ANO2: variants seen among roughly 807,000 people sequenced by gnomAD.
ANO2 encodes anoctamin 2.
In ANO2, 101 loss-of-function variants were observed where a neutral mutation model predicts 124.2. That is an observed-to-expected ratio of 0.81 (90% CI 0.69 to 0.96). The LOEUF is 0.96. Among genes scored for constraint, ANO2 ranks in the 40% least tolerant of loss-of-function variants. ANO2 has a pLI of 0.00. For synonymous variants in ANO2, 486 were observed against 482.5 expected (o/e 1.01, Z -0.09); for missense variants, 1,293 against 1,274.5 (o/e 1.01, Z -0.22).
intron 23 of ANO2, 131 bp from the exon 24 acceptor site, chr12:5,565,794 G>C: frequency 1.5e-6 from 1 of 663,564 alleles, no homozygotes; most frequent in Non-Finnish European, 2.5e-6. Flanking sequence ...TGAGAAGCAG[G>C]GGGAAGTGGG....
At chr12:5,669,370 T>C (rs1947881278) in intron 14 of ANO2, among the ~76,000 whole-genome samples, 1 of 152,126 alleles carries the variant, frequency 6.6e-6, no homozygotes, top group African/African-American at 2.4e-5. Context: ...GGAATGTTTG[T>C]GACTTTTGCA....
chr12:5,930,707 A>G (rs1267776804), intron 1 of ANO2, among the ~76,000 whole-genome samples: 1 of 152,164 alleles, frequency 6.6e-6, no homozygotes, highest in African/African-American at 2.4e-5. Flanking sequence ...ACCCAGGACA[A>G]CAGCCAAAAT....
intron 16 of ANO2, among the ~76,000 whole-genome samples, chr12:5,628,697 CACGCGT>C (rs1945540882): frequency 1.3e-5 from 2 of 151,724 alleles, no homozygotes; most frequent in Non-Finnish European, 2.9e-5. Flanking sequence ...TGCGCGCGCG[CACGCGT>C]GCGTGCACAT....
intron 1 of ANO2, among the ~76,000 whole-genome samples, chr12:5,935,155 T>C (rs896342138): frequency 2.6e-5 from 4 of 152,218 alleles, no homozygotes; most frequent in Admixed American, 2.0e-4. Flanking sequence ...TGAATTCATA[T>C]TGTATAGACA....
At chr12:5,609,897 T>C (rs1456187282) in intron 19 of ANO2, among the ~76,000 whole-genome samples, 2 of 147,216 alleles carry the variant, frequency 1.4e-5, no homozygotes, top group East Asian at 2.0e-4. Flanking sequence ...TTTATACATA[T>C]AAAAATTTGT....
At chr12:5,735,250 C>G (rs1269057900) in intron 13 of ANO2, among the ~76,000 whole-genome samples, 1 of 152,136 alleles carries the variant, frequency 6.6e-6, no homozygotes, top group Non-Finnish European at 1.5e-5. Flanking sequence ...TATCTGATAC[C>G]AAGTCATCAC....
chr12:5,861,340 G>A (rs930996425), intron 3 of ANO2, among the ~76,000 whole-genome samples: 1 of 152,148 alleles, frequency 6.6e-6, no homozygotes, highest in African/African-American at 2.4e-5. Context: ...AGGGAGTGAG[G>A]GAAGAAGGGG....
intron 14 of ANO2, among the ~76,000 whole-genome samples, chr12:5,728,543 T>C (rs1950525675): frequency 6.6e-6 from 1 of 152,248 alleles, no homozygotes; most frequent in Non-Finnish European, 1.5e-5. Flanking sequence ...GAAGACTTAC[T>C]ATTGCTAAGA....
chr12:5,609,869 GTA>G (rs10677018), intron 19 of ANO2, among the ~76,000 whole-genome samples: 16 of 144,344 alleles, frequency 1.1e-4, no homozygotes, highest in Non-Finnish European at 7.5e-5. Flanking sequence ...TTTAGAAAAT[GTA>G]TATATATATA....
chr12:5,771,273 C>A (rs1226734603), intron 10 of ANO2, among the ~76,000 whole-genome samples: 1 of 152,152 alleles, frequency 6.6e-6, no homozygotes, highest in Non-Finnish European at 1.5e-5. Flanking sequence ...AAGCACAGCT[C>A]AGAGAGATTG....
intron 20 of ANO2, among the ~76,000 whole-genome samples, chr12:5,578,858 C>T (rs1012898847): frequency 6.6e-6 from 1 of 152,180 alleles, no homozygotes; most frequent in Non-Finnish European, 1.5e-5. Flanking sequence ...AGTAAAAGGC[C>T]AGATCATAAT....
At chr12:5,666,162 T>C (rs867014537) in intron 14 of ANO2, among the ~76,000 whole-genome samples, 10 of 152,206 alleles carry the variant, frequency 6.6e-5, no homozygotes, top group African/African-American at 1.7e-4. Flanking sequence ...AGAAACAGAA[T>C]AGTGAAGGTT....
chr12:5,772,524 T>C (rs527927140), intron 10 of ANO2, among the ~76,000 whole-genome samples: 1 of 152,360 alleles, frequency 6.6e-6, no homozygotes, highest in East Asian at 1.9e-4. Flanking sequence ...TTTTGTCTAA[T>C]TTTTCGCTGT....
chr12:5,675,323 TAC>T (rs1471405626), intron 14 of ANO2, among the ~76,000 whole-genome samples: 1 of 152,238 alleles, frequency 6.6e-6, no homozygotes, highest in Non-Finnish European at 1.5e-5. Context: ...GCTTCCATGA[TAC>T]ACACAGTCTC....
chr12:5,917,101 T>C (rs147037980), intron 3 of ANO2, among the ~76,000 whole-genome samples: 11 of 152,152 alleles, frequency 7.2e-5, no homozygotes, highest in African/African-American at 2.7e-4. Flanking sequence ...TGGGTGGTTA[T>C]ACAACAGGAA....
chr12:5,605,907 G>A (rs537720587), intron 19 of ANO2, among the ~76,000 whole-genome samples: 2 of 152,220 alleles, frequency 1.3e-5, no homozygotes, highest in South Asian at 2.1e-4. Flanking sequence ...AAAACCATCC[G>A]ATCCTCTCTG....
At chr12:5,668,699 A>T (rs1411874679) in intron 14 of ANO2, among the ~76,000 whole-genome samples, 2 of 152,138 alleles carry the variant, frequency 1.3e-5, no homozygotes, top group African/African-American at 4.8e-5. Context: ...TAACTATTTG[A>T]TCCATCTTGA....
Position 5,672,341 on chromosome 12 carries a change from G to A in ANO2, c.1546-24540C>T, listed in dbSNP as rs147243143. 6.0e-4 allele frequency among the ~76,000 whole-genome samples: 91 copies of A among 152,290 alleles called. No individual in the cohort carries two copies. The East Asian group carries it at 0.013, about 22-fold the overall frequency. ...TGTTTACAAGGCATGCTGAGTTGTC[G>A]GTGCATTCTCAGAGAGGCTGTTCAT... On this transcript the variant is annotated intron_variant, in intron 14 of 24. Transcript: ENST00000682330.
chr12:5,628,840 C>T (rs1315075059), intron 16 of ANO2, among the ~76,000 whole-genome samples: 1 of 152,226 alleles, frequency 6.6e-6, no homozygotes, highest in African/African-American at 2.4e-5. Flanking sequence ...ACCTCTTCAG[C>T]CTTCTCATAA....
Sources: allele counts gnomAD v4.1 joint callset (sites outside exome capture counted in the v4.1 genomes callset), GRCh38; gene constraint gnomAD v4.1.1; transcripts MANE v1.5; gene names NCBI Gene and HGNC (gene_info 2026-07-23, HGNC 2026-07-21).